Variants in SEMA3A observed in about 807,000 individuals in gnomAD.
The protein encoded by SEMA3A is semaphorin 3A, also known as semaphorin-3A.
In SEMA3A, 29 loss-of-function variants were observed where a neutral mutation model predicts 97.9. That is an observed-to-expected ratio of 0.30 (90% CI 0.22 to 0.40). The LOEUF (loss-of-function observed/expected upper bound fraction) is 0.40, where lower values mean the gene tolerates loss of function less well. Among genes scored for constraint, SEMA3A ranks in the 10% least tolerant of loss-of-function variants. SEMA3A has a pLI of 1.00. For synonymous variants in SEMA3A, 321 were observed against 323.7 expected (o/e 0.99, Z 0.09); for missense variants, 763 against 951.3 (o/e 0.80, Z 2.60).
At chr7:84,376,957 A>T (rs564569530) in intron 1 of SEMA3A, among the ~76,000 whole-genome samples, 1 of 152,220 alleles carries the variant, frequency 6.6e-6, no homozygotes, top group Admixed American at 6.5e-5. Flanking sequence ...AAATACTTTC[A>T]TTTATTCTTT....
intron 3 of SEMA3A, among the ~76,000 whole-genome samples, chr7:84,247,565 C>T (rs554006012): frequency 1.7e-4 from 26 of 152,226 alleles, no homozygotes; most frequent in African/African-American, 6.0e-4. Context: ...AGTAACATAA[C>T]TTCCCAATAT....
chr7:83,977,054 G>T, intron 15 of SEMA3A, 78 bp downstream of exon 15: 2 of 717,086 alleles, frequency 2.8e-6, no homozygotes, highest in Non-Finnish European at 4.5e-6. Context: ...TGCATACATT[G>T]CATGCATATG....
chr7:83,997,029 T>C (rs1220635333), intron 12 of SEMA3A, among the ~76,000 whole-genome samples: 3 of 152,188 alleles, frequency 2.0e-5, no homozygotes, highest in African/African-American at 7.2e-5. Flanking sequence ...GTCAGGGTGT[T>C]CTTATGAAAC....
intron 1 of SEMA3A, among the ~76,000 whole-genome samples, chr7:84,435,719 A>T (rs1175684830): frequency 6.6e-6 from 1 of 152,230 alleles, no homozygotes; most frequent in Non-Finnish European, 1.5e-5. Flanking sequence ...AGACTGGAAG[A>T]ATTAATACCA....
chr7:84,459,383 T>C (rs1805766766), intron 1 of SEMA3A, among the ~76,000 whole-genome samples: 1 of 152,222 alleles, frequency 6.6e-6, no homozygotes, highest in Non-Finnish European at 1.5e-5. Context: ...TGATTTCCTA[T>C]AATACACCAA....
At chr7:84,294,557 C>T (rs148172020) in intron 3 of SEMA3A, among the ~76,000 whole-genome samples, 537 of 152,096 alleles carry the variant, frequency 3.5e-3, no homozygotes, top group Middle Eastern at 0.014. Context: ...GAGAAGTGGG[C>T]GCTCTGCCAT....
chr7:84,062,952 C>T (rs1205855848), intron 4 of SEMA3A, among the ~76,000 whole-genome samples: 2 of 151,986 alleles, frequency 1.3e-5, no homozygotes, highest in East Asian at 3.9e-4. Context: ...CTGTAGGCTC[C>T]ACCTCTGGGG....
Position 84,471,100 on chromosome 7 carries a change from A to G in SEMA3A, c.-246+21360T>C, listed in dbSNP as rs535466125. Among the ~76,000 whole-genome samples the G allele has an allele frequency of 5.1e-4, 78 of 152,236 alleles. 1 individual carries two copies. The highest frequency in any genetic ancestry group is 1.0e-3 in the Non-Finnish European group (69 of 67,956). On this transcript the variant is annotated intron_variant, in intron 1 of 3. Coordinates refer to the SEMA3A transcript ENST00000424555. ...AACTTTGAGGTTCATAACCAGCAAT[A>G]CACAAATAGACTGCTTTTTGAAGCC...
intron 7 of SEMA3A, 60 bp downstream of exon 7, chr7:84,014,149 A>G (rs1790996469): frequency 6.6e-7 from 1 of 1,508,336 alleles, no homozygotes; most frequent in South Asian, 1.2e-5. Context: ...AGAAAATTTT[A>G]AAAAGCAAAG....
chr7:84,402,162 A>C (rs1803922312), intron 1 of SEMA3A, among the ~76,000 whole-genome samples: 2 of 152,150 alleles, frequency 1.3e-5, no homozygotes, highest in African/African-American at 4.8e-5. Context: ...AAACAAAACA[A>C]AACAAAACAA....
chr7:84,054,494 A>T (rs1792855641), intron 5 of SEMA3A, among the ~76,000 whole-genome samples: 2 of 152,126 alleles, frequency 1.3e-5, no homozygotes, highest in East Asian at 1.9e-4. Flanking sequence ...AGTTGATCGC[A>T]TCGGCTCCTG....
intron 4 of SEMA3A, among the ~76,000 whole-genome samples, chr7:84,101,142 C>G (rs1220666234): frequency 6.6e-6 from 1 of 152,086 alleles, no homozygotes; most frequent in Non-Finnish European, 1.5e-5. Flanking sequence ...ACAAACACAT[C>G]TTAGCAATTT....
intron 3 of SEMA3A, among the ~76,000 whole-genome samples, chr7:84,240,751 C>G (rs1005664504): frequency 1.3e-5 from 2 of 152,116 alleles, no homozygotes; most frequent in Admixed American, 1.3e-4. Context: ...TGCTAGCCCC[C>G]TCTAGCCCAC....
In SEMA3A at chr7:84,002,018, T is replaced by A. The variant is rs192054887; in HGVS notation, c.1389A>T (p.Ser463=). ...TDVGTVLKVV[S]IPKETWYDLE... is the part of the protein sequence containing the mutation. ...AATCATACCAAGTCTCCTTAGGAAT[T>A]GAAACTACTTTAAGAACGGTCCCAA... The change falls in exon 12 of 17, where the codon TCA becomes TCT. Residue 463 remains serine (S), a synonymous_variant. Transcript: ENST00000265362. 6.0e-5 allele frequency: 96 copies of A among 1,611,428 alleles called. No individual in the cohort carries two copies. The East Asian group carries it at 1.7e-3, about 29-fold the overall frequency.
intron 1 of SEMA3A, among the ~76,000 whole-genome samples, chr7:84,410,815 T>C (rs1318822810): frequency 6.6e-6 from 1 of 152,144 alleles, no homozygotes; most frequent in East Asian, 1.9e-4. Flanking sequence ...TTCCAAAGTA[T>C]TTGTGTTTCT....
At chr7:83,963,913 A>G (rs1403964762) in intron 15 of SEMA3A, among the ~76,000 whole-genome samples, 1 of 152,204 alleles carries the variant, frequency 6.6e-6, no homozygotes, top group Admixed American at 6.5e-5. Context: ...TAAATAATCT[A>G]CAAGTTTGTT....
intron 1 of SEMA3A, among the ~76,000 whole-genome samples, chr7:84,409,622 A>G (rs188934326): frequency 3.3e-5 from 5 of 152,256 alleles, no homozygotes; most frequent in Admixed American, 6.5e-5. Flanking sequence ...ATCCATAGAT[A>G]CAAAATAGCT....
chr7:83,994,233 G>GT (rs1436593783), intron 12 of SEMA3A, among the ~76,000 whole-genome samples: 1 of 95,638 alleles, frequency 1.0e-5, no homozygotes, highest in Non-Finnish European at 2.1e-5. Flanking sequence ...TTTTTGCAAA[G>GT]TTTTCAACTT....
At chr7:83,985,551 C>T (rs1278582067) in intron 12 of SEMA3A, 74 bp from the exon 13 acceptor site, 3 of 1,193,216 alleles carry the variant, frequency 2.5e-6, no homozygotes, top group African/African-American at 3.0e-5. Context: ...TAACTCAAGG[C>T]ACTGCCATTA....
Sources: allele counts gnomAD v4.1 joint callset (sites outside exome capture counted in the v4.1 genomes callset), GRCh38; gene constraint gnomAD v4.1.1; transcripts MANE v1.5; gene names NCBI Gene and HGNC (gene_info 2026-07-23, HGNC 2026-07-21).